Variants in CLMN observed in about 807,000 individuals in gnomAD.
The protein encoded by CLMN is calmin (calponin-like, transmembrane).
Under a neutral mutation model 92.7 loss-of-function variants are expected in CLMN, and 57 were observed. The observed-to-expected ratio is 0.61, with a 90% confidence interval of 0.50 to 0.77. The LOEUF is 0.77. Ranked by LOEUF, CLMN falls within the 30% of genes least tolerant of loss-of-function variation. The pLI is 0.00. For synonymous variants in CLMN, 466 were observed against 470.6 expected (o/e 0.99, Z 0.13); for missense variants, 1,158 against 1,237.5 (o/e 0.94, Z 0.96).
intron 1 of CLMN, among the ~76,000 whole-genome samples, chr14:95,288,944 A>G (rs575916015): frequency 6.6e-6 from 1 of 152,366 alleles, no homozygotes; most frequent in African/African-American, 2.4e-5. Flanking sequence ...GCCAACACAC[A>G]AAGAATCCAC....
chr14:95,223,703 T>A, intron 3 of CLMN, 57 bp downstream of exon 3: 1 of 1,348,346 alleles, frequency 7.4e-7, no homozygotes, highest in Non-Finnish European at 1.0e-6. Flanking sequence ...AAAGAAAACC[T>A]CAGCAGCGTT....
At chr14:95,207,185 A>G (rs2140583430) in intron 8 of CLMN, among the ~76,000 whole-genome samples, 2 of 152,366 alleles carry the variant, frequency 1.3e-5, no homozygotes, top group Admixed American at 1.3e-4. Flanking sequence ...CTGAGAAATC[A>G]ATATATTCGT....
chr14:95,210,491 TAAC>T (rs2140590615), intron 7 of CLMN, among the ~76,000 whole-genome samples, 192 bp downstream of exon 7: 1 of 152,290 alleles, frequency 6.6e-6, no homozygotes, highest in Middle Eastern at 3.4e-3. Flanking sequence ...CAGTAAATGA[TAAC>T]AATTATGTAA....
intron 6 of CLMN, 82 bp from the exon 7 acceptor site, chr14:95,210,961 G>GT: frequency 7.0e-7 from 1 of 1,426,242 alleles, no homozygotes; most frequent in Non-Finnish European, 9.3e-7. Context: ...CAGCAGCCGC[G>GT]TGAGTTTTTG....
At chr14:95,300,597 G>A (rs1901008143) in intron 1 of CLMN, among the ~76,000 whole-genome samples, 1 of 152,202 alleles carries the variant, frequency 6.6e-6, no homozygotes, top group African/African-American at 2.4e-5. Context: ...GCCTACATCG[G>A]CTTCTGGGTG....
intron 5 of CLMN, 27 bp from the exon 6 acceptor site, chr14:95,213,436 C>G (rs974963263): frequency 1.3e-6 from 2 of 1,582,838 alleles, no homozygotes; most frequent in Non-Finnish European, 8.6e-7. Context: ...ATTTCAGACC[C>G]CAGCAACAGA....
intron 1 of CLMN, among the ~76,000 whole-genome samples, chr14:95,283,458 A>T (rs1301145714): frequency 2.0e-5 from 3 of 152,218 alleles, no homozygotes; most frequent in South Asian, 2.1e-4. Flanking sequence ...CGTGGAAGCG[A>T]CTTTGGAACT....
chr14:95,273,551 A>G (rs946658643), intron 1 of CLMN, among the ~76,000 whole-genome samples: 2 of 152,214 alleles, frequency 1.3e-5, no homozygotes, highest in Non-Finnish European at 2.9e-5. Flanking sequence ...GCAGTAAGCC[A>G]TGCTCAGGAA....
intron 1 of CLMN, among the ~76,000 whole-genome samples, chr14:95,255,515 A>C (rs1392059262): frequency 2.0e-5 from 3 of 152,182 alleles, no homozygotes; most frequent in Non-Finnish European, 4.4e-5. Flanking sequence ...AGCATAGTAC[A>C]TATAGGGTTC....
rs1017539252 is a variant in CLMN, at chr14:95,259,858, C to T, written c.83-29725G>A. Among the ~76,000 whole-genome samples the T allele has an allele frequency of 4.6e-5, 7 of 152,222 alleles. No individual in the cohort carries two copies. The highest frequency in any genetic ancestry group is 1.4e-4 in the African/African-American group (6 of 41,464). On this transcript the variant is annotated intron_variant, in intron 1 of 12. Transcript: ENST00000298912. This position sits in a 1 kb window ranked among gnomAD's most constrained non-coding sequence, Gnocchi z 4.3. The stretch of plus-strand genomic sequence containing the variant: ...TTTCCTCTCCCCACACCCACCTGGA[C>T]GGCTATTCCCTTGCGCTTGGTGGCT...
At chr14:95,285,669 A>G (rs772359163) in intron 1 of CLMN, among the ~76,000 whole-genome samples, 11 of 152,236 alleles carry the variant, frequency 7.2e-5, no homozygotes, top group Non-Finnish European at 1.2e-4. Flanking sequence ...ATCTTTTAGA[A>G]GAGTGGACAT....
intron 1 of CLMN, among the ~76,000 whole-genome samples, chr14:95,257,142 G>A (rs1280229687): frequency 3.9e-5 from 6 of 152,324 alleles, no homozygotes; most frequent in East Asian, 1.9e-4. Flanking sequence ...ATTAGAATGC[G>A]TGATCTTTCA....
chr14:95,319,832 C>CAGCGGGCGCGGAGAGCCTGGCT lies in CLMN; in HGVS notation c.-41_-40insAGCCAGGCTCTCCGCGCCCGCT. ...AGAGCCCGGGCCAGCGCGGCGCGGG[C>CAGCGGGCGCGGAGAGCCTGGCT]GGCGGGCGCGGAGAGCCTGGCTGGC... On this transcript the variant is annotated 5_prime_UTR_variant, in exon 1 of 13. Transcript: ENST00000298912. 8.0e-7 allele frequency: 1 copy of CAGCGGGCGCGGAGAGCCTGGCT among 1,244,528 alleles called. No individual in the cohort carries two copies. Among genetic ancestry groups the CAGCGGGCGCGGAGAGCCTGGCT allele is most frequent in the Non-Finnish European group, 1.0e-6 (1 of 982,298 alleles). 77.1% of individuals were successfully genotyped at this position (1,244,528 alleles called of 1,614,324 possible).
At chr14:95,249,931 GT>G (rs1350485557) in intron 1 of CLMN, among the ~76,000 whole-genome samples, 19 of 152,336 alleles carry the variant, frequency 1.2e-4, no homozygotes, top group African/African-American at 4.1e-4. Context: ...ATGTAACAAA[GT>G]TTGGCCAAGG....
chr14:95,270,783 T>C (rs1286926688), intron 1 of CLMN, among the ~76,000 whole-genome samples: 2 of 152,230 alleles, frequency 1.3e-5, no homozygotes, highest in Non-Finnish European at 2.9e-5. Flanking sequence ...ACATTTGCAT[T>C]CATTTTTTTT....
At chr14:95,272,480 C>T (rs956114941) in intron 1 of CLMN, among the ~76,000 whole-genome samples, 5 of 152,220 alleles carry the variant, frequency 3.3e-5, no homozygotes, top group African/African-American at 7.2e-5. Context: ...ACCTACTATG[C>T]ACAAGGCCCT....
intron 4 of CLMN, among the ~76,000 whole-genome samples, chr14:95,218,505 G>C (rs551247534): frequency 6.6e-6 from 1 of 152,348 alleles, no homozygotes; most frequent in African/African-American, 2.4e-5. Context: ...GCTGCTGCCT[G>C]GCATCCACCA....
chr14:95,242,302 A>G (rs1400010970), intron 1 of CLMN, among the ~76,000 whole-genome samples: 1 of 121,736 alleles, frequency 8.2e-6, no homozygotes, highest in East Asian at 2.5e-4. Context: ...TCTGTTGCCC[A>G]GGCTGGAGTG....
intron 7 of CLMN, 50 bp from the exon 8 acceptor site, chr14:95,209,527 T>C: frequency 7.2e-7 from 1 of 1,383,280 alleles, no homozygotes; most frequent in Non-Finnish European, 1.0e-6. Context: ...ACACACGCTT[T>C]CAATAGTATT....
Sources: allele counts gnomAD v4.1 joint callset (sites outside exome capture counted in the v4.1 genomes callset), GRCh38; gene constraint gnomAD v4.1.1; non-coding constraint Gnocchi (gnomAD v3.1); transcripts MANE v1.5; gene names NCBI Gene and HGNC (gene_info 2026-07-23, HGNC 2026-07-21).